Variants in WDR72 observed in about 807,000 individuals in gnomAD.
The protein encoded by WDR72 is WD repeat domain 72, also known as WD repeat-containing protein 72.
In WDR72, 120 loss-of-function variants were observed where a neutral mutation model predicts 124.2. The ratio of observed to expected loss-of-function variants is 0.97; its 90% CI spans 0.83 to 1.12. The LOEUF is 1.12. WDR72 is among the 50% of genes most tolerant of loss of function. The pLI is 0.00. For missense variants in WDR72, 1,387 were observed against 1,278.8 expected, an observed-to-expected ratio of 1.08 and a Z score of -1.29; for synonymous variants, 452 against 441.7, an observed-to-expected ratio of 1.02 and a Z score of -0.29.
At chr15:53,618,899 C>G (rs180681561) in intron 14 of WDR72, among the ~76,000 whole-genome samples, 70 of 152,126 alleles carry the variant, frequency 4.6e-4, no homozygotes, top group Middle Eastern at 6.8e-3. Flanking sequence ...GCTGTATCCC[C>G]TTACACGTTT....
chr15:53,554,514 C>T (rs1311070197), intron 18 of WDR72, among the ~76,000 whole-genome samples: 1 of 152,098 alleles, frequency 6.6e-6, no homozygotes, highest in East Asian at 1.9e-4. Context: ...GTGCAGAGCC[C>T]TAGTAAGCAT....
At chr15:53,657,061 G>T (rs2015446426) in intron 14 of WDR72, among the ~76,000 whole-genome samples, 2 of 151,802 alleles carry the variant, frequency 1.3e-5, no homozygotes, top group African/African-American at 4.8e-5. Context: ...TCAGGAGATC[G>T]AGACCATCCT....
intron 3 of WDR72, among the ~76,000 whole-genome samples, chr15:53,719,851 G>A (rs191112976): frequency 5.3e-5 from 8 of 152,202 alleles, no homozygotes; most frequent in South Asian, 2.1e-4. Context: ...CTCACCTAGC[G>A]GCTTCCAAGT....
At position 53,536,833 on chromosome 15, in the gene WDR72, G is replaced by A. The variant is rs113886693; in HGVS notation, c.3149-13511C>T. Among the ~76,000 whole-genome samples, 704 of 152,250 alleles carry A rather than the reference G, an allele frequency of 4.6e-3. 2 individuals are homozygous for A. Among genetic ancestry groups the A allele is most frequent in the African/African-American group, 0.016 (670 of 41,556 alleles). The stretch of plus-strand genomic sequence containing the variant: ...ACTGGGCTGCAGTAGCTGCTTGACC[G>A]TAAAAAGTAGGATTAAGGCTTTTGC... On this transcript the variant is annotated intron_variant, in intron 18 of 19. Transcript: ENST00000360509.
chr15:53,551,216 A>G (rs570627611), intron 18 of WDR72, among the ~76,000 whole-genome samples: 3 of 152,154 alleles, frequency 2.0e-5, no homozygotes, highest in Non-Finnish European at 4.4e-5. Flanking sequence ...AGGTCAGAAT[A>G]CGGGGAGGTG....
chr15:53,653,109 T>C (rs568233551), intron 14 of WDR72, among the ~76,000 whole-genome samples: 18 of 152,300 alleles, frequency 1.2e-4, no homozygotes, highest in African/African-American at 4.3e-4. Flanking sequence ...TTTTTTTCTG[T>C]CAGTCATTTA....
chr15:53,625,727 C>G (rs1022978017), intron 14 of WDR72, among the ~76,000 whole-genome samples: 3 of 150,644 alleles, frequency 2.0e-5, no homozygotes, highest in Non-Finnish European at 4.4e-5. Flanking sequence ...ACGCCAATGA[C>G]ACGAAATGCA....
At chr15:53,545,355 G>C (rs1009639706) in intron 18 of WDR72, among the ~76,000 whole-genome samples, 1 of 149,100 alleles carries the variant, frequency 6.7e-6, no homozygotes, top group Non-Finnish European at 1.5e-5. Flanking sequence ...CAGAAATAAC[G>C]CCGCATATCT....
At chr15:53,625,314 T>C in intron 14 of WDR72, among the ~76,000 whole-genome samples, 1 of 152,216 alleles carries the variant, frequency 6.6e-6, no homozygotes, top group East Asian at 1.9e-4. Context: ...GACAGATAAT[T>C]CCCCAACATG....
At chr15:53,720,178 TTTC>T (rs1337668960) in intron 3 of WDR72, among the ~76,000 whole-genome samples, 1 of 152,172 alleles carries the variant, frequency 6.6e-6, no homozygotes, top group Non-Finnish European at 1.5e-5. Flanking sequence ...TTATTTTTTA[TTTC>T]TTTTGTCTAT....
chr15:53,736,737 T>C (rs1421944119), intron 1 of WDR72, among the ~76,000 whole-genome samples: 1 of 151,990 alleles, frequency 6.6e-6, no homozygotes, highest in East Asian at 1.9e-4. Context: ...TATTAGGCAG[T>C]GGACAGGTCC....
At chr15:53,685,568 A>G (rs2016589484) in intron 13 of WDR72, among the ~76,000 whole-genome samples, 1 of 146,328 alleles carries the variant, frequency 6.8e-6, no homozygotes, top group Non-Finnish European at 1.5e-5. Flanking sequence ...ATGTGAAAAG[A>G]CCAAATCTAT....
intron 1 of WDR72, among the ~76,000 whole-genome samples, chr15:53,742,934 A>G (rs1391457113): frequency 6.6e-6 from 1 of 152,226 alleles, no homozygotes; most frequent in East Asian, 1.9e-4. Context: ...AATTATATAA[A>G]CAACCAAACA....
intron 17 of WDR72, among the ~76,000 whole-genome samples, chr15:53,605,070 A>G (rs1265930353): frequency 1.3e-5 from 2 of 152,238 alleles, no homozygotes; most frequent in Non-Finnish European, 2.9e-5. Context: ...TCACAATAAC[A>G]AAGACATGGA....
intron 18 of WDR72, among the ~76,000 whole-genome samples, chr15:53,523,649 A>T (rs923935581): frequency 6.6e-6 from 1 of 152,046 alleles, no homozygotes; most frequent in African/African-American, 2.4e-5. Flanking sequence ...TAGTCAATTA[A>T]CAGCAATAGA....
intron 1 of WDR72, among the ~76,000 whole-genome samples, chr15:53,748,871 C>T (rs1314886949): frequency 6.6e-6 from 1 of 152,114 alleles, no homozygotes; most frequent in Admixed American, 6.6e-5. Context: ...GGTCCCTTTG[C>T]CTTTGTTTAC....
chr15:53,719,592 G>A (rs796702191), intron 3 of WDR72, among the ~76,000 whole-genome samples: 6 of 152,194 alleles, frequency 3.9e-5, no homozygotes, highest in African/African-American at 1.2e-4. Flanking sequence ...GAATGATATC[G>A]TTACTAATAA....
At chr15:53,596,043 G>GCC (rs1425872315) in intron 18 of WDR72, among the ~76,000 whole-genome samples, 15 of 152,012 alleles carry the variant, frequency 9.9e-5, no homozygotes, top group Admixed American at 6.6e-4. Context: ...TAAAAACAAT[G>GCC]AGAAGAAATC....
chr15:53,543,289 A>G (rs1358801919), intron 18 of WDR72, among the ~76,000 whole-genome samples: 1 of 150,956 alleles, frequency 6.6e-6, no homozygotes, highest in Non-Finnish European at 1.5e-5. Context: ...ATTATAACAA[A>G]CTATCTCTCA....
Sources: allele counts gnomAD v4.1 joint callset (sites outside exome capture counted in the v4.1 genomes callset), GRCh38; gene constraint gnomAD v4.1.1; transcripts MANE v1.5; gene names NCBI Gene and HGNC (gene_info 2026-07-23, HGNC 2026-07-21).